The following RABEP1 variants were observed in gnomAD, a reference collection of about 807,000 sequenced individuals.
The protein encoded by RABEP1 is rabaptin, RAB GTPase binding effector protein 1, also known as rab GTPase-binding effector protein 1.
Under a neutral mutation model 123.4 loss-of-function variants are expected in RABEP1, and 51 were observed. That is an observed-to-expected ratio of 0.41 (90% CI 0.33 to 0.52). The LOEUF (loss-of-function observed/expected upper bound fraction) is 0.52. RABEP1 is among the 20% of genes least tolerant of loss of function. RABEP1 has a pLI of 0.16. For synonymous variants in RABEP1, 347 were observed against 355.2 expected (o/e 0.98, Z 0.26); for missense variants, 888 against 996.3 (o/e 0.89, Z 1.46).
intron 6 of RABEP1, among the ~76,000 whole-genome samples, chr17:5,347,454 A>C (rs1164203092): frequency 6.7e-6 from 1 of 148,726 alleles, no homozygotes; most frequent in Non-Finnish European, 1.5e-5. Context: ...AACAAACAAA[A>C]CATCACCAGG....
chr17:5,313,151 G>T (rs1436558668), intron 2 of RABEP1, among the ~76,000 whole-genome samples: 1 of 152,156 alleles, frequency 6.6e-6, no homozygotes, highest in African/African-American at 2.4e-5. Flanking sequence ...ATCTTTACAT[G>T]AATTTATCGT....
chr17:5,323,306 C>T (rs965799971), intron 2 of RABEP1, among the ~76,000 whole-genome samples: 3 of 152,138 alleles, frequency 2.0e-5, no homozygotes, highest in Admixed American at 6.6e-5. Context: ...GGAACAAGGA[C>T]GCCCACTTCA....
At chr17:5,342,158 C>T (rs1907669146) in intron 5 of RABEP1, among the ~76,000 whole-genome samples, 1 of 151,588 alleles carries the variant, frequency 6.6e-6, no homozygotes, top group African/African-American at 2.4e-5. Context: ...TTCTATGCCC[C>T]AGTGATAACC....
chr17:5,319,114 G>A (rs1018737227), intron 2 of RABEP1, among the ~76,000 whole-genome samples: 3 of 151,854 alleles, frequency 2.0e-5, no homozygotes, highest in Non-Finnish European at 2.9e-5. Context: ...GGTGGATCAC[G>A]AGGTCGGGGG....
At chr17:5,285,840 CCTT>C in intron 1 of RABEP1, among the ~76,000 whole-genome samples, 1 of 132,718 alleles carries the variant, frequency 7.5e-6, no homozygotes, top group South Asian at 2.9e-4. Flanking sequence ...GTGTTGTAGG[CCTT>C]CTTCATTCTT....
intron 13 of RABEP1, among the ~76,000 whole-genome samples, chr17:5,373,669 CCT>C (rs766428718): frequency 1.2e-4 from 18 of 147,438 alleles, no homozygotes; most frequent in Admixed American, 2.1e-4. Flanking sequence ...GTAGTAACTC[CCT>C]GTGACCCGAC....
At chr17:5,357,219 T>C (rs1028583707) in intron 8 of RABEP1, among the ~76,000 whole-genome samples, 2 of 152,112 alleles carry the variant, frequency 1.3e-5, no homozygotes, top group Non-Finnish European at 2.9e-5. Flanking sequence ...AACTACATAG[T>C]GTTTTGTGCA....
At chr17:5,382,556 T>C (rs994919537) in intron 17 of RABEP1, among the ~76,000 whole-genome samples, 8 of 151,246 alleles carry the variant, frequency 5.3e-5, no homozygotes, top group Non-Finnish European at 8.9e-5. Flanking sequence ...TGAGACCAGA[T>C]TGACCAACAA....
In RABEP1 at chr17:5,306,184, T is replaced by C. The variant is rs377290426; in HGVS notation, c.35-2510T>C. 4.0e-4 allele frequency among the ~76,000 whole-genome samples: 61 copies of C among 152,312 alleles called. 3 individuals are homozygous for C. In the South Asian group the frequency reaches 0.012, roughly 30 times the overall value. On this transcript the variant is annotated intron_variant, in intron 1 of 17. Coordinates refer to ENST00000537505, the MANE Select transcript of RABEP1 (RefSeq NM_004703.6). ...ACCTTAAATGTACCCAGAATGCTTA[T>C]ATTAGCCTGCAGCTGGGCAAAATCT...
At chr17:5,359,600 G>C (rs1176274228) in intron 8 of RABEP1, among the ~76,000 whole-genome samples, 1 of 151,960 alleles carries the variant, frequency 6.6e-6, no homozygotes, top group Non-Finnish European at 1.5e-5. Context: ...AGTTTCAGAT[G>C]AGTAACAATC....
intron 1 of RABEP1, among the ~76,000 whole-genome samples, chr17:5,299,500 T>C (rs1017266111): frequency 1.3e-5 from 2 of 151,860 alleles, no homozygotes; most frequent in Non-Finnish European, 2.9e-5. Flanking sequence ...AAGTTAGTTT[T>C]GGTACTGAGC....
chr17:5,285,096 TA>T (rs1036057603), intron 1 of RABEP1, among the ~76,000 whole-genome samples: 1 of 152,100 alleles, frequency 6.6e-6, no homozygotes, highest in Non-Finnish European at 1.5e-5. Context: ...TTTTGTAAGT[TA>T]AAAAAAGTTT....
rs1344245894 is a variant in RABEP1 at position 5,380,418 on chromosome 17, A to C, written c.2326A>C (p.Lys776Gln). The C allele has an allele frequency of 6.4e-7, 1 of 1,571,778 alleles. No individual in the cohort carries two copies. The highest frequency in any genetic ancestry group is 8.6e-7 in the Non-Finnish European group (1 of 1,157,062). ...ACAGCTTGAGAGTCTTCAGGAAATA[A>C]AGATCAGTTTGGAAGAGCAGTTAAA... The part of the protein sequence containing the change: ...SQQLESLQEI[K>Q]ISLEEQLKKE... Residue 776 changes from lysine (K) to glutamine (Q), a missense_variant, in exon 16 of 18, where the codon AAG (lysine) becomes CAG (glutamine). By Grantham distance (53) the Lys-to-Gln change is moderately conservative (BLOSUM62 1). Transcript: ENST00000537505.
At chr17:5,323,857 GGAATATATATATATAT>G in intron 2 of RABEP1, among the ~76,000 whole-genome samples, 1 of 111,274 alleles carries the variant, frequency 9.0e-6, no homozygotes, top group Non-Finnish European at 1.7e-5. Flanking sequence ...TATATATCTA[GGAATATATATATATAT>G]CTAGGAATCA....
intron 1 of RABEP1, among the ~76,000 whole-genome samples, chr17:5,297,390 AAAG>A (rs1255415087): frequency 1.3e-5 from 2 of 152,194 alleles, no homozygotes; most frequent in African/African-American, 4.8e-5. Context: ...TGACTGCATA[AAAG>A]AAGAACATCC....
intron 5 of RABEP1, among the ~76,000 whole-genome samples, chr17:5,340,888 C>T (rs1210729730): frequency 6.8e-6 from 1 of 147,674 alleles, no homozygotes; most frequent in East Asian, 2.0e-4. Context: ...GCAGAGGTTG[C>T]AGTGAGCTGA....
chr17:5,336,705 C>T, intron 4 of RABEP1: 1 of 244,094 alleles, frequency 4.1e-6, no homozygotes, highest in Non-Finnish European at 8.1e-6. Flanking sequence ...TTTGCTTCCT[C>T]CCTCCTTTTT....
intron 15 of RABEP1, 100 bp from the exon 16 acceptor site, chr17:5,380,264 G>C: frequency 1.4e-6 from 1 of 719,908 alleles, no homozygotes; most frequent in Non-Finnish European, 2.3e-6. Flanking sequence ...AGTGTAGCCC[G>C]AGTGTCTTGG....
chr17:5,367,983 C>T (rs890983919), intron 11 of RABEP1, among the ~76,000 whole-genome samples: 3 of 148,522 alleles, frequency 2.0e-5, no homozygotes, highest in African/African-American at 7.3e-5. Flanking sequence ...TCTCGAACTC[C>T]TGACCTCAGG....
Sources: allele counts gnomAD v4.1 joint callset (sites outside exome capture counted in the v4.1 genomes callset), GRCh38; gene constraint gnomAD v4.1.1; transcripts MANE v1.5; gene names NCBI Gene and HGNC (gene_info 2026-07-23, HGNC 2026-07-21).